LPAR3: variants seen among roughly 807,000 people sequenced by gnomAD.
LPAR3 encodes lysophosphatidic acid receptor 3, also known as LPA receptor 3.
Under a neutral mutation model 17.8 loss-of-function variants are expected in LPAR3, and 7 were observed. The observed-to-expected ratio is 0.39, with a 90% CI of 0.22 to 0.74. The LOEUF (loss-of-function observed/expected upper bound fraction) is 0.74, where lower values mean the gene tolerates loss of function less well. Among genes scored for constraint, LPAR3 ranks in the 30% least tolerant of loss-of-function variants. The pLI, the probability that LPAR3 is intolerant of heterozygous loss-of-function variation, is 0.40. For missense variants in LPAR3, 391 were observed against 453.4 expected (o/e 0.86, Z 1.25); for synonymous variants, 179 against 179.9 (o/e 0.99, Z 0.04).
chr1:84,860,452 A>G (rs1014678280), intron 2 of LPAR3, among the ~76,000 whole-genome samples: 13 of 152,164 alleles, frequency 8.5e-5, no homozygotes, highest in Non-Finnish European at 1.5e-4. Context: ...TGTTTCTATC[A>G]TCACACTTCT....
intron 1 of LPAR3, among the ~76,000 whole-genome samples, chr1:84,867,852 G>C (rs1348807908): frequency 6.6e-6 from 1 of 151,970 alleles, no homozygotes; most frequent in Non-Finnish European, 1.5e-5. Flanking sequence ...AAAAATACAG[G>C]TAGTATAATT....
chr1:84,813,764 T>A lies in LPAR3; in HGVS notation c.*82A>T, dbSNP rs939460438. ...TGGAGACCTCAAATAACACTGTACA[T>A]GGGCTTTGTTAGAGACAGGTAATCA... On this transcript the variant is annotated 3_prime_UTR_variant, in exon 3 of 3. Transcript: ENST00000370611. The A allele has an allele frequency of 8.7e-7, 1 of 1,154,198 alleles. No homozygotes were observed. The highest frequency in any genetic ancestry group is 2.5e-5 in the East Asian group (1 of 40,538). The allele number at this position is 1,154,198 out of a possible 1,614,324, so 71.5% of individuals were successfully genotyped here. A position where few individuals can be genotyped will look rare whatever the true frequency, so the allele number is the denominator to read the frequency against.
At position 84,893,193 on chromosome 1, in the gene LPAR3, T is replaced by C. The variant is rs2102778503; in HGVS notation, c.-196A>G. The C allele has an allele frequency of 6.6e-6, 1 of 152,022 alleles. No homozygotes were observed. The highest frequency in any genetic ancestry group is 1.5e-5 in the Non-Finnish European group (1 of 67,928). 9.4% of individuals were successfully genotyped at this position (152,022 alleles called of 1,614,324 possible). A position where few individuals can be genotyped will look rare whatever the true frequency, so the allele number is the denominator to read the frequency against. The stretch of plus-strand genomic sequence containing the variant: ...CCTCTCCAGCGACCCCTGCGACGCG[T>C]CCAGAGCCAAAGGAAAGTTTGGCGG... On this transcript the variant is annotated 5_prime_UTR_variant, in exon 1 of 3. Coordinates refer to ENST00000370611, the MANE Select transcript of LPAR3 (RefSeq NM_012152.3).
chr1:84,845,948 C>G (rs1659588584), intron 2 of LPAR3, among the ~76,000 whole-genome samples: 1 of 152,122 alleles, frequency 6.6e-6, no homozygotes, highest in South Asian at 2.1e-4. Context: ...ACACGTTCCA[C>G]CAATTCCACA....
intron 2 of LPAR3, among the ~76,000 whole-genome samples, chr1:84,844,057 C>G (rs941243772): frequency 6.6e-6 from 1 of 152,226 alleles, no homozygotes; most frequent in Non-Finnish European, 1.5e-5. Flanking sequence ...ATCACCTGCA[C>G]TAGAATGTAA....
intron 2 of LPAR3, among the ~76,000 whole-genome samples, chr1:84,816,288 A>G (rs1355605910): frequency 1.3e-5 from 2 of 152,232 alleles, no homozygotes; most frequent in African/African-American, 4.8e-5. Flanking sequence ...GAAACAAACA[A>G]GTCAAATTTG....
chr1:84,818,036 C>T (rs61768762), intron 2 of LPAR3, among the ~76,000 whole-genome samples: 54,674 of 151,996 alleles, frequency 0.36, 10,330 homozygotes, highest in Middle Eastern at 0.48. Flanking sequence ...CCAATCCTGG[C>T]TCTTCCACTG....
rs575300021 is a variant in LPAR3 at position 84,878,729 on chromosome 1, C to T, written c.-18-12591G>A. On this transcript the variant is annotated intron_variant, in intron 1 of 2. Transcript: ENST00000370611. ...AGGATTTTAACACAGAGGATAAAAT[C>T]ATGGTGACTTCAGGACCCCAGGGTT... Among the ~76,000 whole-genome samples, 4 of 152,314 alleles carry T rather than the reference C, an allele frequency of 2.6e-5. No individual in the cohort carries two copies. In the East Asian group the frequency reaches 7.7e-4, roughly 29 times the overall value.
Position 84,865,420 on chromosome 1 carries a change from G to A in LPAR3, c.701C>T (p.Pro234Leu). 2 of 1,613,838 alleles carry A rather than the reference G, an allele frequency of 1.2e-6. No individual in the cohort carries two copies. The highest frequency in any genetic ancestry group is 1.7e-6 in the Non-Finnish European group (2 of 1,179,924). The change falls in exon 2 of 3, where the codon CCC becomes CTC. Residue 234 changes from proline (P) to leucine (L), a missense_variant. Coordinates refer to ENST00000370611, the MANE Select transcript of LPAR3 (RefSeq NM_012152.3). ...CATCACCGTCTTCATTAGCTTCATG[G>A]GTGTCCTCCGGCGGCTGATGGACCC... ...TSGSISRRRTPMKLMKTVMTV... is the reference protein window; with the variant it reads ...TSGSISRRRTLMKLMKTVMTV...
intron 2 of LPAR3, among the ~76,000 whole-genome samples, chr1:84,847,942 C>T (rs772391164): frequency 2.0e-5 from 3 of 152,194 alleles, no homozygotes; most frequent in Non-Finnish European, 4.4e-5. Context: ...TCCTTGTTGG[C>T]TCCTGGGCAC....
intron 2 of LPAR3, among the ~76,000 whole-genome samples, chr1:84,824,825 C>T (rs1659122865): frequency 6.6e-6 from 1 of 152,204 alleles, no homozygotes; most frequent in Non-Finnish European, 1.5e-5. Context: ...ATTTCTCACA[C>T]TCTGCCCTGT....
chr1:84,840,505 C>T (rs778093261), intron 2 of LPAR3, among the ~76,000 whole-genome samples: 2 of 152,086 alleles, frequency 1.3e-5, no homozygotes, highest in Non-Finnish European at 2.9e-5. Flanking sequence ...TCCTTGCAAA[C>T]CCTGAAGAGG....
intron 2 of LPAR3, among the ~76,000 whole-genome samples, chr1:84,841,181 A>G (rs1425129522): frequency 6.6e-6 from 1 of 152,246 alleles, no homozygotes; most frequent in East Asian, 1.9e-4. Context: ...TCACAGATCA[A>G]AAATGAATTC....
chr1:84,888,468 T>G lies in LPAR3; in HGVS notation c.-19+4548A>C, dbSNP rs140854940. 2.6e-5 allele frequency among the ~76,000 whole-genome samples: 4 copies of G among 152,314 alleles called. No homozygotes were observed. In the East Asian group the frequency reaches 5.8e-4, roughly 22 times the overall value. ...CTATAACTAGTCACTGCCAATGGCT[T>G]TGAGTCTTAACTCTGGCTTTCTACC... On this transcript the variant is annotated intron_variant, in intron 1 of 2. Transcript: ENST00000370611.
chr1:84,875,647 G>T (rs1660242525), intron 1 of LPAR3, among the ~76,000 whole-genome samples: 1 of 152,214 alleles, frequency 6.6e-6, no homozygotes, highest in African/African-American at 2.4e-5. Flanking sequence ...AAATTACCCA[G>T]TCTCTGGTAT....
intron 1 of LPAR3, among the ~76,000 whole-genome samples, chr1:84,877,972 A>C (rs75139133): frequency 0.011 from 1,628 of 152,258 alleles, 38 homozygotes; most frequent in African/African-American, 0.037. Context: ...ATTGTGTTGA[A>C]CAATGTTAGG....
At chr1:84,839,952 G>T (rs1659477128) in intron 2 of LPAR3, among the ~76,000 whole-genome samples, 1 of 152,104 alleles carries the variant, frequency 6.6e-6, no homozygotes, top group Non-Finnish European at 1.5e-5. Context: ...TTTAAACAGG[G>T]TGTCACTCTG....
At chr1:84,885,049 C>T (rs1053100190) in intron 1 of LPAR3, among the ~76,000 whole-genome samples, 3 of 152,286 alleles carry the variant, frequency 2.0e-5, no homozygotes, top group Admixed American at 6.5e-5. Flanking sequence ...TCTAGAGCAG[C>T]CAGGGCCAAT....
chr1:84,844,349 G>C (rs978598845), intron 2 of LPAR3, among the ~76,000 whole-genome samples: 1 of 152,214 alleles, frequency 6.6e-6, no homozygotes, highest in African/African-American at 2.4e-5. Context: ...TCATTTAGAT[G>C]TGTGTGAATT....
Sources: allele counts gnomAD v4.1 joint callset (sites outside exome capture counted in the v4.1 genomes callset), GRCh38; gene constraint gnomAD v4.1.1; transcripts MANE v1.5; gene names NCBI Gene and HGNC (gene_info 2026-07-23, HGNC 2026-07-21).